The following ADRA1A variants were observed in gnomAD, a reference collection of about 807,000 sequenced individuals.
The protein encoded by ADRA1A is adrenoceptor alpha 1A, also known as alpha-1A adrenergic receptor.
Under a neutral mutation model 29.6 loss-of-function variants are expected in ADRA1A, and 31 were observed. That is an observed-to-expected ratio of 1.05 (90% CI 0.79 to 1.41). The LOEUF is 1.41. ADRA1A is among the 40% of genes most tolerant of loss of function. The probability of loss-of-function intolerance (pLI) is 0.00; values close to 1 mark genes in which losing one functional copy is unlikely to be tolerated. For missense variants in ADRA1A, 619 were observed against 601.1 expected (o/e 1.03, Z -0.31); for synonymous variants, 311 against 254.3 (o/e 1.22, Z -2.12).
intron 2 of ADRA1A, among the ~76,000 whole-genome samples, chr8:26,859,771 CTTT>C (rs368780944): frequency 2.2e-5 from 3 of 137,546 alleles, no homozygotes; most frequent in Non-Finnish European, 3.2e-5. Flanking sequence ...TATCATTTTT[CTTT>C]TTTTTTTTTT....
downstream of ADRA1A, among the ~76,000 whole-genome samples, chr8:26,765,404 A>AG: frequency 6.6e-6 from 1 of 152,304 alleles, no homozygotes; most frequent in East Asian, 1.9e-4. Flanking sequence ...TTCTGCTCCC[A>AG]GGGGTTCTGG....
chr8:26,769,316 T>A lies in ADRA1A; in HGVS notation c.*833A>T, dbSNP rs1276876250. The A allele has an allele frequency of 4.1e-6, 4 of 985,064 alleles. No homozygotes were observed. Among genetic ancestry groups the A allele is most frequent in the Non-Finnish European group, 4.8e-6 (4 of 829,696 alleles). 61.0% of individuals were successfully genotyped at this position (985,064 alleles called of 1,614,324 possible). On this transcript the variant is annotated 3_prime_UTR_variant, in exon 3 of 3. Transcript: ENST00000380573. The stretch of plus-strand genomic sequence containing the variant: ...ACACCAACCTCTTGCTCTTTAAAGA[T>A]ATTAGAGAGAAAGCCTATCATCATC...
chr8:26,826,463 A>G (rs1810575722), intron 2 of ADRA1A, among the ~76,000 whole-genome samples: 1 of 152,256 alleles, frequency 6.6e-6, no homozygotes, highest in South Asian at 2.1e-4. Context: ...ATTATATTTT[A>G]TAACTCTATT....
At position 26,865,325 on chromosome 8, in the gene ADRA1A, T is replaced by G; in HGVS notation, c.-356A>C. 9.2e-7 allele frequency: 1 copy of G among 1,092,232 alleles called. No individual in the cohort carries two copies. The allele number at this position is 1,092,232 out of a possible 1,614,324, so 67.7% of individuals were successfully genotyped here. A position where few individuals can be genotyped will look rare whatever the true frequency, so the allele number is the denominator to read the frequency against. ...CTCCTTGCAACATGCAATTCCAGAA[T>G]TACGAGAATCTGCTTTTCCGCGCTG... On this transcript the variant is annotated 5_prime_UTR_variant, in exon 2 of 3. It removes the in-frame stop codon of an upstream open reading frame in the 5' UTR. Transcript: ENST00000380573. This position sits in a 1 kb window ranked among gnomAD's most constrained non-coding sequence, Gnocchi z 7.6.
At position 26,787,296 on chromosome 8, in the gene ADRA1A, T is replaced by A. The variant is rs1180556879; in HGVS notation, c.884-16630A>T. Among the ~76,000 whole-genome samples, 1 of 152,022 alleles carries A rather than the reference T, an allele frequency of 6.6e-6. No individual in the cohort carries two copies. The highest frequency in any genetic ancestry group is 2.4e-5 in the African/African-American group (1 of 41,308). ...ATCACACATTCCATGTCCTATTTTT[T>A]CAGAAAGCAGAGACATGTGTAATTC... On this transcript the variant is annotated intron_variant, in intron 2 of 2. Transcript: ENST00000380573. The surrounding 1 kb of genome is among the most constrained non-coding windows in gnomAD (Gnocchi z 4.2).
Position 26,769,270 on chromosome 8 carries a change from CT to C in ADRA1A, c.*878del, listed in dbSNP as rs908955766. On this transcript the variant is annotated 3_prime_UTR_variant, in exon 3 of 3. Transcript: ENST00000380573. ...TGTGCAGTAAGTGAACAGCCTCTAT[CT>C]TTGCAAGAAATTAACAGCCACACCA... 2.9e-5 allele frequency: 29 copies of C among 985,416 alleles called. No homozygotes were observed. In the African/African-American group the frequency reaches 4.5e-4, roughly 15 times the overall value. The allele number at this position is 985,416 out of a possible 1,614,324, so 61.0% of individuals were successfully genotyped here.
At chr8:26,766,645 C>T (rs1432330322), downstream of ADRA1A, among the ~76,000 whole-genome samples, 1 of 152,128 alleles carries the variant, frequency 6.6e-6, no homozygotes, top group Non-Finnish European at 1.5e-5. Flanking sequence ...ACGTTTACCC[C>T]CATTCTCTTG....
At position 26,758,146 on chromosome 8, in the gene ADRA1A, G is replaced by C. The variant is rs556316580; in HGVS notation, c.1270-1367C>G. Among the ~76,000 whole-genome samples the C allele has an allele frequency of 3.3e-5, 5 of 152,272 alleles. No homozygotes were observed. The South Asian group carries it at 1.0e-3, about 32-fold the overall frequency. ...CCCAAAGAAAATAGTGTGGTGTGGG[G>C]AATAACTGAGAGTTGGGATTTAGTG... On this transcript the variant is annotated intron_variant, in intron 2 of 2. Transcript: ENST00000380582.
At chr8:26,761,962 C>T (rs572171075), downstream of ADRA1A, among the ~76,000 whole-genome samples, 1 of 152,278 alleles carries the variant, frequency 6.6e-6, no homozygotes, top group African/African-American at 2.4e-5. Flanking sequence ...TTAGGGTATA[C>T]ATTCCGATGG....
rs376897207 is a variant in ADRA1A at position 26,821,710 on chromosome 8, G to A, written c.883+42377C>T. Reference sequence around the variant, plus strand: ...TACAGAATAGTTCCATCCTGGCAAGGAGCTCTCAAATAGTCCTTTTATAGC... The same window carrying A: ...TACAGAATAGTTCCATCCTGGCAAGAAGCTCTCAAATAGTCCTTTTATAGC... On this transcript the variant is annotated intron_variant, in intron 2 of 2. Transcript: ENST00000380573. The surrounding 1 kb of genome is among the most constrained non-coding windows in gnomAD (Gnocchi z 5.6). 2.6e-5 allele frequency among the ~76,000 whole-genome samples: 4 copies of A among 152,214 alleles called. No individual in the cohort carries two copies. Among genetic ancestry groups the A allele is most frequent in the African/African-American group, 9.6e-5 (4 of 41,530 alleles).
chr8:26,821,444 A>T lies in ADRA1A; in HGVS notation c.883+42643T>A, dbSNP rs115447433. 2.6e-3 allele frequency among the ~76,000 whole-genome samples: 398 copies of T among 152,240 alleles called. 2 individuals carry two copies. Among genetic ancestry groups the T allele is most frequent in the African/African-American group, 9.1e-3 (378 of 41,540 alleles). On this transcript the variant is annotated intron_variant, in intron 2 of 2. Transcript: ENST00000380573. This position sits in a 1 kb window ranked among gnomAD's most constrained non-coding sequence, Gnocchi z 5.6. ...CAGACTTTTAAACAAGCAGACCTCGAGTGAACTGAGAACTCACTTTTCACC... is the reference window on the plus strand; with the variant it reads ...CAGACTTTTAAACAAGCAGACCTCGTGTGAACTGAGAACTCACTTTTCACC...
chr8:26,828,279 C>G (rs570281301), intron 2 of ADRA1A, among the ~76,000 whole-genome samples: 2 of 152,224 alleles, frequency 1.3e-5, no homozygotes, highest in African/African-American at 4.8e-5. Context: ...ACCAGTCTGC[C>G]TTTTCTTTTT....
intron 2 of ADRA1A, among the ~76,000 whole-genome samples, chr8:26,820,116 A>G (rs748449449): frequency 6.6e-6 from 1 of 152,172 alleles, no homozygotes; most frequent in Non-Finnish European, 1.5e-5. Flanking sequence ...ACCAAAACTG[A>G]AAAGAGAAAT....
intron 2 of ADRA1A, among the ~76,000 whole-genome samples, chr8:26,780,936 G>A (rs1316741495): frequency 6.6e-6 from 1 of 152,140 alleles, no homozygotes; most frequent in Admixed American, 6.5e-5. Context: ...AACAAGCTCA[G>A]GGCTCCCACT....
chr8:26,854,416 A>AGGGGGGGG (rs1200564632), intron 2 of ADRA1A: 1 of 18,692 alleles, frequency 5.3e-5, no homozygotes, highest in Non-Finnish European at 1.0e-4. Flanking sequence ...CTGAAGTTAA[A>AGGGGGGGG]GCGGGGCGGG....
At chr8:26,791,991 G>T (rs867845813) in intron 2 of ADRA1A, among the ~76,000 whole-genome samples, 1 of 152,020 alleles carries the variant, frequency 6.6e-6, no homozygotes, top group Non-Finnish European at 1.5e-5. Flanking sequence ...TTTAAAAATT[G>T]TCTGTTTCAC....
chr8:26,813,756 C>T (rs1171062744), intron 2 of ADRA1A, among the ~76,000 whole-genome samples: 1 of 150,970 alleles, frequency 6.6e-6, no homozygotes, highest in Non-Finnish European at 1.5e-5. Flanking sequence ...ATTTTATTTC[C>T]CATTTTTTTA....
intron 2 of ADRA1A, among the ~76,000 whole-genome samples, chr8:26,802,687 A>G (rs1471781944): frequency 6.6e-6 from 1 of 152,184 alleles, no homozygotes; most frequent in African/African-American, 2.4e-5. Context: ...AGCTAAAAAT[A>G]GAGCTACCAT....
At chr8:26,849,921 T>C (rs1218428020) in intron 2 of ADRA1A, among the ~76,000 whole-genome samples, 3 of 150,930 alleles carry the variant, frequency 2.0e-5, no homozygotes, top group African/African-American at 7.3e-5. Context: ...ATATGGAGAT[T>C]GTGTATTACA....
Sources: gnomAD v4.1 joint callset for allele counts (sites outside exome capture counted in the v4.1 genomes callset) on GRCh38, gnomAD v4.1.1 for gene constraint, Gnocchi (gnomAD v3.1) non-coding constraint, MANE v1.5 for transcripts, NCBI Gene and HGNC (gene_info 2026-07-23, HGNC 2026-07-21) for gene names.